The following CNBD1 variants were observed in gnomAD, a reference collection of about 807,000 sequenced individuals.
The protein encoded by CNBD1 is cyclic nucleotide-binding domain-containing protein 1.
A neutral mutation model predicts 54.4 loss-of-function variants in CNBD1; 71 were observed. The observed-to-expected ratio is 1.30, with a 90% CI of 1.08 to 1.59. The LOEUF is 1.59. CNBD1 is among the 40% of genes most tolerant of loss of function. The pLI is 0.00. For synonymous variants in CNBD1, 182 were observed against 170.7 expected, an observed-to-expected ratio of 1.07 and a Z score of -0.51; for missense variants, 659 against 518.0, an observed-to-expected ratio of 1.27 and a Z score of -2.64.
chr8:87,383,201 G>T (rs1296622754), downstream of CNBD1, among the ~76,000 whole-genome samples: 2 of 151,920 alleles, frequency 1.3e-5, no homozygotes, highest in South Asian at 4.1e-4. Flanking sequence ...ATTATATTAT[G>T]GAGAATATCA....
At chr8:87,428,511 T>A (rs1345819912) in intron 2 of CNBD1, 1 of 412,146 alleles carries the variant, frequency 2.4e-6, no homozygotes, top group Non-Finnish European at 4.8e-6. Flanking sequence ...TATTTTTTTA[T>A]GATATTCTAA....
chr8:87,003,477 A>T (rs1049330491), intron 4 of CNBD1, among the ~76,000 whole-genome samples: 2 of 152,178 alleles, frequency 1.3e-5, no homozygotes, highest in African/African-American at 4.8e-5. Flanking sequence ...CTTAATCACT[A>T]TATGTGTTAC....
intron 8 of CNBD1, among the ~76,000 whole-genome samples, chr8:87,321,704 A>G (rs1305208559): frequency 2.0e-5 from 3 of 151,520 alleles, no homozygotes; most frequent in East Asian, 3.9e-4. Context: ...ATATAATCTC[A>G]TTTGTCTATT....
chr8:86,869,410 C>A (rs1808409793), intron 1 of CNBD1, among the ~76,000 whole-genome samples: 2 of 152,166 alleles, frequency 1.3e-5, no homozygotes, highest in Non-Finnish European at 2.9e-5. Context: ...GAATTTCTTG[C>A]CCATTTGGCT....
chr8:86,958,778 A>C (rs1807848916), intron 4 of CNBD1, among the ~76,000 whole-genome samples: 1 of 152,030 alleles, frequency 6.6e-6, no homozygotes, highest in Admixed American at 6.6e-5. Flanking sequence ...TTGACTCTTT[A>C]TCCAATTTGT....
At chr8:86,977,540 A>G (rs192500612) in intron 4 of CNBD1, among the ~76,000 whole-genome samples, 2 of 152,274 alleles carry the variant, frequency 1.3e-5, no homozygotes, top group Admixed American at 6.5e-5. Flanking sequence ...ATCAAAGAGG[A>G]GACATTACAA....
At chr8:87,198,849 A>T (rs1720069344) in intron 4 of CNBD1, among the ~76,000 whole-genome samples, 1 of 152,198 alleles carries the variant, frequency 6.6e-6, no homozygotes, top group African/African-American at 2.4e-5. Flanking sequence ...GATAATTTAT[A>T]AAGAAAAGGG....
At chr8:87,319,812 A>G (rs1229795890) in intron 8 of CNBD1, among the ~76,000 whole-genome samples, 1 of 152,094 alleles carries the variant, frequency 6.6e-6, no homozygotes, top group Non-Finnish European at 1.5e-5. Context: ...TATATAGCTC[A>G]TAAATGTTCA....
At chr8:87,387,755 C>T (rs190800911), downstream of CNBD1, among the ~76,000 whole-genome samples, 34 of 152,228 alleles carry the variant, frequency 2.2e-4, no homozygotes, top group Admixed American at 1.8e-3. Context: ...ACCAAGAGGA[C>T]CTAATAGACA....
intron 6 of CNBD1, among the ~76,000 whole-genome samples, chr8:87,276,148 T>C (rs1458007274): frequency 1.3e-5 from 2 of 151,926 alleles, no homozygotes; most frequent in Admixed American, 6.6e-5. Flanking sequence ...TTGGAGAGTC[T>C]TTGTTACTAA....
chr8:87,152,581 C>G (rs748612735), intron 4 of CNBD1, among the ~76,000 whole-genome samples: 19 of 152,014 alleles, frequency 1.2e-4, no homozygotes, highest in Admixed American at 2.6e-4. Flanking sequence ...TCGAACCAAC[C>G]TTATATTCCT....
At chr8:86,911,575 A>G (rs1264080912) in intron 3 of CNBD1, among the ~76,000 whole-genome samples, 1 of 152,216 alleles carries the variant, frequency 6.6e-6, no homozygotes, top group African/African-American at 2.4e-5. Flanking sequence ...TACCTTAAAC[A>G]TTTATCTATG....
intron 10 of CNBD1, among the ~76,000 whole-genome samples, chr8:87,373,422 C>T (rs1215538495): frequency 1.3e-5 from 2 of 151,856 alleles, no homozygotes; most frequent in African/African-American, 4.8e-5. Context: ...CTTGCTGCAT[C>T]TCTCGCTTAC....
chr8:87,041,400 C>G (rs897679453), intron 4 of CNBD1, among the ~76,000 whole-genome samples: 1 of 152,044 alleles, frequency 6.6e-6, no homozygotes, highest in East Asian at 1.9e-4. Context: ...GTTATTTGCA[C>G]AAAAGCAACC....
chr8:86,991,669 T>G (rs906835043), intron 4 of CNBD1, among the ~76,000 whole-genome samples: 4 of 152,098 alleles, frequency 2.6e-5, no homozygotes, highest in African/African-American at 7.2e-5. Flanking sequence ...TGTAAACTTC[T>G]CTTAACATTA....
At chr8:87,037,849 A>G (rs959856138) in intron 4 of CNBD1, among the ~76,000 whole-genome samples, 6 of 152,200 alleles carry the variant, frequency 3.9e-5, no homozygotes, top group Non-Finnish European at 8.8e-5. Context: ...CATATTTAAG[A>G]GTGAGACAAT....
intron 6 of CNBD1, among the ~76,000 whole-genome samples, chr8:87,271,783 A>ATATCAAAGG (rs1447302327): frequency 6.6e-6 from 1 of 150,780 alleles, no homozygotes; most frequent in African/African-American, 2.5e-5. Flanking sequence ...ATAAATTAGT[A>ATATCAAAGG]TATCAAAGGG....
intron 2 of CNBD1, among the ~76,000 whole-genome samples, chr8:87,420,469 G>A (rs1490759781): frequency 6.6e-6 from 1 of 152,030 alleles, no homozygotes; most frequent in Non-Finnish European, 1.5e-5. Context: ...GCAAAAGCAT[G>A]CCTCTTTGTT....
intron 6 of CNBD1, among the ~76,000 whole-genome samples, chr8:87,278,124 C>T (rs1312479192): frequency 6.6e-6 from 1 of 151,240 alleles, no homozygotes; most frequent in Non-Finnish European, 1.5e-5. Flanking sequence ...ATTAGTAGAA[C>T]ATGTCATAAG....
Sources: gnomAD v4.1 joint callset for allele counts (sites outside exome capture counted in the v4.1 genomes callset) on GRCh38, gnomAD v4.1.1 for gene constraint, MANE v1.5 for transcripts, NCBI Gene and HGNC (gene_info 2026-07-23, HGNC 2026-07-21) for gene names.